Variants in GPC5 observed in about 807,000 individuals in gnomAD.
GPC5 encodes the protein glypican-5.
In GPC5, 47 loss-of-function variants were observed where a neutral mutation model predicts 53.9. The observed-to-expected ratio is 0.87, with a 90% CI of 0.69 to 1.11. The LOEUF (loss-of-function observed/expected upper bound fraction) is 1.11. Ranked by LOEUF, GPC5 falls within the 50% of genes most tolerant of loss-of-function variation. The pLI, the probability that GPC5 is intolerant of heterozygous loss-of-function variation, is 0.00. For missense variants in GPC5, 748 were observed against 713.1 expected (o/e 1.05, Z -0.56); for synonymous variants, 286 against 263.3 (o/e 1.09, Z -0.84).
intron 7 of GPC5, among the ~76,000 whole-genome samples, chr13:92,592,340 T>C (rs1162185219): frequency 2.0e-5 from 3 of 151,826 alleles, no homozygotes; most frequent in African/African-American, 7.2e-5. Flanking sequence ...GTATAGTGTA[T>C]GTGTCTAAGA....
chr13:92,288,962 T>C (rs1220019794), intron 7 of GPC5, among the ~76,000 whole-genome samples: 2 of 152,086 alleles, frequency 1.3e-5, no homozygotes, highest in African/African-American at 4.8e-5. Flanking sequence ...TACTACCAAC[T>C]TTACCATTTT....
chr13:91,680,250 A>C (rs2035476267), intron 2 of GPC5, among the ~76,000 whole-genome samples: 1 of 152,148 alleles, frequency 6.6e-6, no homozygotes, highest in Admixed American at 6.5e-5. Context: ...GGCGTTCTAG[A>C]CCAGCTTGGC....
intron 5 of GPC5, among the ~76,000 whole-genome samples, chr13:91,879,866 G>A (rs2039245462): frequency 6.6e-6 from 1 of 152,120 alleles, no homozygotes; most frequent in African/African-American, 2.4e-5. Context: ...CTCAGGAAGT[G>A]TAGAATTCAG....
intron 7 of GPC5, among the ~76,000 whole-genome samples, chr13:92,497,485 C>T (rs967732102): frequency 6.6e-6 from 1 of 152,240 alleles, no homozygotes; most frequent in African/African-American, 2.4e-5. Context: ...ATACCAGTAC[C>T]ATGTTGTTTT....
intron 5 of GPC5, among the ~76,000 whole-genome samples, chr13:91,832,300 C>CTT (rs55698516): frequency 7.7e-4 from 95 of 122,990 alleles, no homozygotes; most frequent in East Asian, 1.7e-3. Context: ...GCTTTTTTCT[C>CTT]TTTTTTTTTT....
At chr13:91,701,658 T>C (rs115012993) in intron 3 of GPC5, among the ~76,000 whole-genome samples, 2,185 of 152,140 alleles carry the variant, frequency 0.014, 60 homozygotes, top group African/African-American at 0.049. Flanking sequence ...TGCAGAATCA[T>C]ATGTATATAT....
intron 7 of GPC5, among the ~76,000 whole-genome samples, chr13:92,707,985 A>ACACCAC (rs1888007883): frequency 6.6e-6 from 1 of 152,050 alleles, no homozygotes; most frequent in East Asian, 1.9e-4. Flanking sequence ...ACCACCTCAG[A>ACACCAC]CTCTAATTAG....
At chr13:92,173,660 C>T (rs1008488490) in intron 7 of GPC5, among the ~76,000 whole-genome samples, 2 of 152,130 alleles carry the variant, frequency 1.3e-5, no homozygotes, top group African/African-American at 4.8e-5. Context: ...TGAGCAAAAA[C>T]CTAGTGTCAC....
At chr13:92,365,483 TA>T (rs1365591899) in intron 7 of GPC5, among the ~76,000 whole-genome samples, 1 of 151,604 alleles carries the variant, frequency 6.6e-6, no homozygotes, top group Non-Finnish European at 1.5e-5. Context: ...TCTTCAATGA[TA>T]AATTACCCTT....
At chr13:92,412,258 A>C (rs901097363) in intron 7 of GPC5, among the ~76,000 whole-genome samples, 1 of 152,204 alleles carries the variant, frequency 6.6e-6, no homozygotes, top group Non-Finnish European at 1.5e-5. Context: ...ACAGATATTT[A>C]CTGTCTACCT....
chr13:92,497,535 C>T (rs1256877649), intron 7 of GPC5, among the ~76,000 whole-genome samples: 1 of 152,070 alleles, frequency 6.6e-6, no homozygotes, highest in Non-Finnish European at 1.5e-5. Context: ...AGTCAGGTAG[C>T]GTGATGACTC....
intron 7 of GPC5, among the ~76,000 whole-genome samples, chr13:92,149,348 C>T (rs1230215795): frequency 6.6e-6 from 1 of 151,914 alleles, no homozygotes; most frequent in Non-Finnish European, 1.5e-5. Context: ...CAGTGTAATA[C>T]CTTAGGAGGT....
chr13:91,668,977 A>G (rs1185900955), intron 2 of GPC5, among the ~76,000 whole-genome samples: 1 of 152,316 alleles, frequency 6.6e-6, no homozygotes, highest in African/African-American at 2.4e-5. Flanking sequence ...TTAATACACC[A>G]TTGGCTTTAC....
chr13:92,765,694 C>T (rs1397244798), intron 7 of GPC5, among the ~76,000 whole-genome samples: 1 of 152,068 alleles, frequency 6.6e-6, no homozygotes, highest in Non-Finnish European at 1.5e-5. Flanking sequence ...TTCAAAATTG[C>T]ATATGTGACC....
chr13:92,005,594 T>A (rs763008732), intron 6 of GPC5, among the ~76,000 whole-genome samples: 2 of 152,230 alleles, frequency 1.3e-5, no homozygotes, highest in Non-Finnish European at 2.9e-5. Flanking sequence ...TTTGTGTATG[T>A]ATTATATATG....
At chr13:92,558,993 G>T (rs1219776375) in intron 7 of GPC5, among the ~76,000 whole-genome samples, 1 of 151,862 alleles carries the variant, frequency 6.6e-6, no homozygotes, top group Non-Finnish European at 1.5e-5. Flanking sequence ...AAACACTCTT[G>T]TAGTAACAGT....
At chr13:92,452,736 A>G (rs1878114660) in intron 7 of GPC5, among the ~76,000 whole-genome samples, 1 of 151,870 alleles carries the variant, frequency 6.6e-6, no homozygotes, top group African/African-American at 2.4e-5. Context: ...CCCGGCTAAT[A>G]TTTTGTATTT....
At chr13:92,124,912 TC>T (rs2041682724) in intron 6 of GPC5, among the ~76,000 whole-genome samples, 1 of 152,176 alleles carries the variant, frequency 6.6e-6, no homozygotes, top group African/African-American at 2.4e-5. Context: ...TTGTGTTATC[TC>T]CCCTTCTGGA....
intron 2 of GPC5, among the ~76,000 whole-genome samples, chr13:91,546,818 G>T (rs969717389): frequency 1.6e-4 from 24 of 152,176 alleles, no homozygotes; most frequent in African/African-American, 5.8e-4. Context: ...TGATCACTTT[G>T]CCTTTAAAAA....
Sources: gnomAD v4.1 joint callset for allele counts (sites outside exome capture counted in the v4.1 genomes callset) on GRCh38, gnomAD v4.1.1 for gene constraint, MANE v1.5 for transcripts, NCBI Gene and HGNC (gene_info 2026-07-23, HGNC 2026-07-21) for gene names.